The following ATG7 variants were observed in gnomAD, a reference collection of about 807,000 sequenced individuals.
ATG7 encodes ubiquitin-like modifier-activating enzyme ATG7.
ATG7 carries 70 observed loss-of-function variants against 82.4 expected under a neutral mutation model. That is an observed-to-expected ratio of 0.85 (90% CI 0.70 to 1.04). ATG7 has a LOEUF of 1.04. Among genes scored for constraint, ATG7 ranks in the 50% least tolerant of loss-of-function variants. The pLI, the probability that ATG7 is intolerant of heterozygous loss-of-function variation, is 0.00. For missense variants in ATG7, 792 were observed against 864.3 expected (o/e 0.92, Z 1.05); for synonymous variants, 287 against 313.0 (o/e 0.92, Z 0.88).
intron 9 of ATG7, among the ~76,000 whole-genome samples, chr3:11,329,255 ATTC>A (rs1192688331): frequency 1.3e-5 from 2 of 152,278 alleles, no homozygotes; most frequent in East Asian, 1.9e-4. Context: ...GGTTATGGGT[ATTC>A]TTCTGAATAT....
At chr3:11,391,438 G>T (rs771695562) in intron 19 of ATG7, among the ~76,000 whole-genome samples, 1 of 152,180 alleles carries the variant, frequency 6.6e-6, no homozygotes, top group Non-Finnish European at 1.5e-5. Flanking sequence ...TACGACTTTA[G>T]ATGAGCTGGC....
intron 7 of ATG7, among the ~76,000 whole-genome samples, chr3:11,313,015 A>T (rs1948901233): frequency 6.6e-6 from 1 of 152,220 alleles, no homozygotes; most frequent in African/African-American, 2.4e-5. Flanking sequence ...AAGGATGATG[A>T]TGATAATATC....
At chr3:11,524,857 G>A (rs2092533946) in intron 20 of ATG7, among the ~76,000 whole-genome samples, 1 of 152,062 alleles carries the variant, frequency 6.6e-6, no homozygotes, top group Admixed American at 6.6e-5. Flanking sequence ...CCATTGTCCT[G>A]TCATCCTCCA....
chr3:11,479,599 G>A (rs1218682283), intron 20 of ATG7, among the ~76,000 whole-genome samples: 1 of 152,074 alleles, frequency 6.6e-6, no homozygotes, highest in Non-Finnish European at 1.5e-5. Flanking sequence ...CCAAAGTAAG[G>A]CATGTTTTCT....
intron 20 of ATG7, among the ~76,000 whole-genome samples, chr3:11,436,700 C>T (rs146274355): frequency 6.6e-6 from 1 of 152,246 alleles, no homozygotes; most frequent in Non-Finnish European, 1.5e-5. Context: ...AAAATGTCAG[C>T]TATTACGCTG....
chr3:11,322,270 T>C (rs1464695020), intron 9 of ATG7, among the ~76,000 whole-genome samples: 1 of 152,230 alleles, frequency 6.6e-6, no homozygotes, highest in Non-Finnish European at 1.5e-5. Context: ...TTTTCTGTTT[T>C]ATCTTTTTGA....
chr3:11,324,413 A>G (rs1056362925), intron 9 of ATG7, among the ~76,000 whole-genome samples: 1 of 152,214 alleles, frequency 6.6e-6, no homozygotes, highest in African/African-American at 2.4e-5. Flanking sequence ...GAAAGATTAA[A>G]TGATGTTCAG....
intron 19 of ATG7, among the ~76,000 whole-genome samples, chr3:11,420,957 G>A (rs973369066): frequency 4.0e-5 from 6 of 151,864 alleles, no homozygotes; most frequent in African/African-American, 1.2e-4. Flanking sequence ...GGGTTTCACC[G>A]TGTTAGCCAG....
intron 20 of ATG7, among the ~76,000 whole-genome samples, chr3:11,494,736 G>A (rs961563795): frequency 4.6e-5 from 7 of 152,012 alleles, no homozygotes; most frequent in African/African-American, 1.7e-4. Context: ...GGCTTTGGCA[G>A]CCATTTGTCA....
In ATG7 at chr3:11,425,372, A is replaced by G. The variant is rs547548629; in HGVS notation, c.1957-1432A>G. Among the ~76,000 whole-genome samples, 13 of 152,274 alleles carry G rather than the reference A, an allele frequency of 8.5e-5. No individual in the cohort carries two copies. In the South Asian group the frequency reaches 1.9e-3, roughly 22 times the overall value. Reference sequence around the variant, plus strand: ...AATTGCTAGATTAAAGGGTGCCTGCATTTTCATCTTCTGAAAAGAAAAAAA... The same window carrying G: ...AATTGCTAGATTAAAGGGTGCCTGCGTTTTCATCTTCTGAAAAGAAAAAAA... On this transcript the variant is annotated intron_variant, in intron 19 of 20. Transcript: ENST00000693202.
At chr3:11,368,229 T>TAAAAA (rs760208581) in intron 18 of ATG7, among the ~76,000 whole-genome samples, 9 of 109,338 alleles carry the variant, frequency 8.2e-5, no homozygotes, top group African/African-American at 1.7e-4. Context: ...TTCTTTTACT[T>TAAAAA]AAAAAAAAAA....
At chr3:11,495,146 A>C (rs1393625996) in intron 20 of ATG7, among the ~76,000 whole-genome samples, 2 of 152,110 alleles carry the variant, frequency 1.3e-5, no homozygotes, top group African/African-American at 4.8e-5. Flanking sequence ...ATGACTGCTT[A>C]TGTGCTCATG....
At chr3:11,401,488 T>G (rs2152896090) in intron 19 of ATG7, among the ~76,000 whole-genome samples, 1 of 152,316 alleles carries the variant, frequency 6.6e-6, no homozygotes, top group South Asian at 2.1e-4. Flanking sequence ...CAGACACAAT[T>G]TTATCCTCTT....
Position 11,555,017 on chromosome 3 carries a change from G to A in ATG7, c.*174G>A. 1.3e-6 allele frequency: 1 copy of A among 744,194 alleles called. No individual in the cohort carries two copies. The highest frequency in any genetic ancestry group is 2.1e-6 in the Non-Finnish European group (1 of 478,378). The allele number at this position is 744,194 out of a possible 1,614,324, so 46.1% of individuals were successfully genotyped here. A position where few individuals can be genotyped will look rare whatever the true frequency, so the allele number is the denominator to read the frequency against. On this transcript the variant is annotated 3_prime_UTR_variant, in exon 21 of 21. Coordinates refer to ENST00000693202, the MANE Select transcript of ATG7 (RefSeq NM_001349232.2). ...GTGGCCAGTGTTCGGCGTTGCTCGG[G>A]ATTCAAGATACCACCAGTTCAGAGC...
chr3:11,338,859 G>A (rs775169305), intron 11 of ATG7, among the ~76,000 whole-genome samples: 2 of 152,138 alleles, frequency 1.3e-5, no homozygotes, highest in Non-Finnish European at 2.9e-5. Flanking sequence ...ACAAAAGATC[G>A]TGTAAAGGAA....
At chr3:11,458,654 T>TA (rs2085995085) in intron 20 of ATG7, among the ~76,000 whole-genome samples, 1 of 152,222 alleles carries the variant, frequency 6.6e-6, no homozygotes, top group Non-Finnish European at 1.5e-5. Flanking sequence ...CAGTTCCCTC[T>TA]AAAAAATTGG....
chr3:11,562,362 T>C (rs759734417), downstream of ATG7, among the ~76,000 whole-genome samples: 4 of 152,116 alleles, frequency 2.6e-5, no homozygotes, highest in Non-Finnish European at 5.9e-5. Flanking sequence ...CCTGTCCCAG[T>C]TCCCAGAGAT....
intron 20 of ATG7, among the ~76,000 whole-genome samples, chr3:11,504,284 A>G (rs1478840333): frequency 2.6e-5 from 4 of 152,250 alleles, no homozygotes; most frequent in Non-Finnish European, 4.4e-5. Flanking sequence ...CTAATCTACA[A>G]GTCTGTATCA....
chr3:11,463,826 A>C (rs936335169), intron 20 of ATG7, among the ~76,000 whole-genome samples: 1 of 152,006 alleles, frequency 6.6e-6, no homozygotes, highest in Non-Finnish European at 1.5e-5. Context: ...AAACTCTCAT[A>C]TGTGGGCCCA....
Sources: allele counts gnomAD v4.1 joint callset (sites outside exome capture counted in the v4.1 genomes callset), GRCh38; gene constraint gnomAD v4.1.1; transcripts MANE v1.5; gene names NCBI Gene and HGNC (gene_info 2026-07-23, HGNC 2026-07-21).